DTNA: variants seen among roughly 807,000 people sequenced by gnomAD.
DTNA encodes the protein dystrobrevin alpha.
DTNA carries 43 observed loss-of-function variants against 100.7 expected under a neutral mutation model. That is an observed-to-expected ratio of 0.43 (90% confidence interval 0.33 to 0.55). The LOEUF is 0.55. DTNA is among the 20% of genes least tolerant of loss of function. The pLI is 0.04. For missense variants in DTNA, 798 were observed against 953.9 expected (o/e 0.84, Z 2.15); for synonymous variants, 349 against 347.9 (o/e 1.00, Z -0.04).
intron 1 of DTNA, among the ~76,000 whole-genome samples, chr18:34,587,598 G>A (rs2049271682): frequency 6.6e-6 from 1 of 152,060 alleles, no homozygotes; most frequent in Non-Finnish European, 1.5e-5. Context: ...ATTTGAAGTT[G>A]ACAACAACTC....
At chr18:34,884,629 T>C (rs2096905452) in intron 21 of DTNA, 99 bp from the exon 22 acceptor site, 1 of 1,259,870 alleles carries the variant, frequency 7.9e-7, no homozygotes. Flanking sequence ...TCTCTCTCTG[T>C]GTCTTTGTGC....
chr18:34,534,570 C>T (rs545426663), intron 1 of DTNA, among the ~76,000 whole-genome samples: 1 of 152,042 alleles, frequency 6.6e-6, no homozygotes, highest in South Asian at 2.1e-4. Context: ...TGGTTTGCTG[C>T]ACCTATCAAC....
chr18:34,601,838 C>A (rs1328350541), intron 1 of DTNA, among the ~76,000 whole-genome samples: 1 of 152,180 alleles, frequency 6.6e-6, no homozygotes, highest in Admixed American at 6.5e-5. Context: ...GGGAGTCCTG[C>A]CCATAAACAG....
intron 1 of DTNA, among the ~76,000 whole-genome samples, chr18:34,741,634 G>A (rs555826898): frequency 6.4e-4 from 97 of 152,230 alleles, no homozygotes; most frequent in African/African-American, 2.3e-3. Context: ...TCCTGTGTGA[G>A]CCCTCTAGAT....
At chr18:34,810,945 A>G (rs1286523764) in intron 5 of DTNA, among the ~76,000 whole-genome samples, 7 of 152,232 alleles carry the variant, frequency 4.6e-5, no homozygotes, top group African/African-American at 1.7e-4. Flanking sequence ...TCTCAAAACC[A>G]TAATCCGATA....
rs1389994410 is a variant in DTNA at position 34,875,348 on chromosome 18, AG to A, written c.1855del (p.Asp619ThrfsTer6). 1 of 1,614,230 alleles carries A rather than the reference AG, an allele frequency of 6.2e-7. No homozygotes were observed. The highest frequency in any genetic ancestry group is 8.5e-7 in the Non-Finnish European group (1 of 1,180,044). ...TGCTCCACCCCGACGCACACGCCGC[AG>A]GACTCCCTCACAGGAGTAGGGGGAG... Reference protein sequence around the residue: ...SACSTPTHTPQDSLTGVGGDV... With the variant: ...SACSTPTHTPXDSLTGVGGDV... On this transcript the variant is annotated frameshift_variant, in exon 18 of 23. Transcript: ENST00000444659.
chr18:34,509,746 T>G (rs1035282151), intron 1 of DTNA, among the ~76,000 whole-genome samples: 5 of 152,138 alleles, frequency 3.3e-5, no homozygotes, highest in African/African-American at 7.2e-5. Flanking sequence ...TTGCTTGTTT[T>G]GGATTTAAGT....
intron 1 of DTNA, among the ~76,000 whole-genome samples, chr18:34,646,735 G>C (rs2059880645): frequency 6.6e-6 from 1 of 152,042 alleles, no homozygotes; most frequent in Admixed American, 6.6e-5. Context: ...TTGAGATGGA[G>C]TCTTGCCCTG....
chr18:34,556,459 C>A (rs2046059925), intron 1 of DTNA, among the ~76,000 whole-genome samples: 1 of 150,780 alleles, frequency 6.6e-6, no homozygotes, highest in Non-Finnish European at 1.5e-5. Context: ...CAGTTTCTTC[C>A]TAGTCTCGAT....
chr18:34,586,382 C>G (rs1486837560), intron 1 of DTNA, among the ~76,000 whole-genome samples: 2 of 151,852 alleles, frequency 1.3e-5, no homozygotes, highest in Non-Finnish European at 2.9e-5. Context: ...CAAAGTAAAA[C>G]TGCCTGTCTT....
chr18:34,555,594 T>C lies in DTNA; in HGVS notation c.-2+62080T>C, dbSNP rs554179746. On this transcript the variant is annotated intron_variant, in intron 1 of 19. Coordinates refer to the DTNA transcript ENST00000283365. The stretch of plus-strand genomic sequence containing the variant: ...TGTTGTGTCTTTGTTCTCGTTGGTT[T>C]CAAAGAACATCTTTATTTCTGCCTT... 3.9e-5 allele frequency among the ~76,000 whole-genome samples: 6 copies of C among 152,342 alleles called. No individual in the cohort carries two copies. The South Asian group carries it at 1.2e-3, about 32-fold the overall frequency.
intron 1 of DTNA, among the ~76,000 whole-genome samples, chr18:34,676,831 T>A (rs982926195): frequency 6.6e-6 from 1 of 152,248 alleles, no homozygotes; most frequent in South Asian, 2.1e-4. Context: ...CAAGACCTTG[T>A]CTCAAAGAGA....
At chr18:34,562,362 C>T (rs1388255531) in intron 1 of DTNA, among the ~76,000 whole-genome samples, 5 of 152,080 alleles carry the variant, frequency 3.3e-5, no homozygotes, top group African/African-American at 7.2e-5. Flanking sequence ...AAGAACTTCC[C>T]GTTATTTGAG....
In DTNA at chr18:34,890,132, G is replaced by A. The variant is rs1490602632; in HGVS notation, c.*2398G>A. ...TTTCTACATCAAAATGTTCGTCTAA[G>A]ATTTGAACTGTTCTGCTGATAACCT... On this transcript the variant is annotated 3_prime_UTR_variant, in exon 23 of 23. Coordinates refer to ENST00000444659, the MANE Select transcript of DTNA (RefSeq NM_001386795.1). 1 of 1,413,788 alleles carries A rather than the reference G, an allele frequency of 7.1e-7. No homozygotes were observed. The highest frequency in any genetic ancestry group is 9.2e-7 in the Non-Finnish European group (1 of 1,089,430). The allele number at this position is 1,413,788 out of a possible 1,614,324, so 87.6% of individuals were successfully genotyped here.
chr18:34,573,734 A>AT (rs1285857235), intron 1 of DTNA, among the ~76,000 whole-genome samples: 1 of 152,076 alleles, frequency 6.6e-6, no homozygotes, highest in Non-Finnish European at 1.5e-5. Flanking sequence ...TATTTTTGTG[A>AT]TTTTCAAAAT....
At chr18:34,622,400 A>C (rs2056664621) in intron 1 of DTNA, among the ~76,000 whole-genome samples, 1 of 152,226 alleles carries the variant, frequency 6.6e-6, no homozygotes, top group South Asian at 2.1e-4. Context: ...ACACTGGTTT[A>C]GTAAAAAGTG....
At chr18:34,651,066 G>A (rs957137775) in intron 1 of DTNA, among the ~76,000 whole-genome samples, 8 of 152,012 alleles carry the variant, frequency 5.3e-5, no homozygotes, top group East Asian at 3.9e-4. Flanking sequence ...TAGACTTTAC[G>A]TCTTCTTTTC....
Position 34,873,521 on chromosome 18 carries a change from G to A in DTNA, c.1744-1718G>A, listed in dbSNP as rs147772107. ...GCCAGCCATGGCCAGCAAGGCTCCCGCAGCCCAGGGCACTCAGAGCCCCTG... is the reference window on the plus strand; with the variant it reads ...GCCAGCCATGGCCAGCAAGGCTCCCACAGCCCAGGGCACTCAGAGCCCCTG... On this transcript the variant is annotated intron_variant, in intron 17 of 22. Coordinates refer to ENST00000444659, the MANE Select transcript of DTNA (RefSeq NM_001386795.1). Among the ~76,000 whole-genome samples, 626 of 152,248 alleles carry A rather than the reference G, an allele frequency of 4.1e-3. 5 individuals carry two copies. The highest frequency in any genetic ancestry group is 0.014 in the African/African-American group (576 of 41,558).
In DTNA at chr18:34,887,659, G is replaced by A. The variant is rs150730326; in HGVS notation, c.*32-107G>A. On this transcript the variant is annotated intron_variant, in intron 22 of 22. Transcript: ENST00000444659. The stretch of plus-strand genomic sequence containing the variant: ...TGTGTGCATGTGTGTGTGTGTGTGC[G>A]CGCGCACTTTCTTCTATATTGGGGA... 3.9e-4 allele frequency: 318 copies of A among 805,898 alleles called. 2 individuals are homozygous for A. The African/African-American group carries it at 4.5e-3, about 11-fold the overall frequency. The allele number at this position is 805,898 out of a possible 1,614,324, so 49.9% of individuals were successfully genotyped here.
Sources: gnomAD v4.1 joint callset for allele counts (sites outside exome capture counted in the v4.1 genomes callset) on GRCh38, gnomAD v4.1.1 for gene constraint, MANE v1.5 for transcripts, NCBI Gene and HGNC (gene_info 2026-07-23, HGNC 2026-07-21) for gene names.